TSHZ2: variants seen among roughly 807,000 people sequenced by gnomAD.
TSHZ2 encodes teashirt homolog 2.
TSHZ2 carries 21 observed loss-of-function variants against 74.4 expected under a neutral mutation model. That is an observed-to-expected ratio of 0.28 (90% CI 0.20 to 0.41). The LOEUF is 0.41. TSHZ2 is among the 10% of genes least tolerant of loss of function. The pLI is 1.00. For synonymous variants in TSHZ2, 540 were observed against 515.3 expected, an observed-to-expected ratio of 1.05 and a Z score of -0.65; for missense variants, 1,244 against 1,293.5, an observed-to-expected ratio of 0.96 and a Z score of 0.59.
At chr20:53,021,504 A>C (rs2024672) in intron 1 of TSHZ2, among the ~76,000 whole-genome samples, 1 of 152,044 alleles carries the variant, frequency 6.6e-6, no homozygotes, top group Non-Finnish European at 1.5e-5. Context: ...CCTCTACTTA[A>C]CAATGCCTGT....
At chr20:53,172,138 A>T (rs1354841055) in intron 1 of TSHZ2, among the ~76,000 whole-genome samples, 1 of 152,248 alleles carries the variant, frequency 6.6e-6, no homozygotes, top group Non-Finnish European at 1.5e-5. Context: ...TGAATTATAA[A>T]GCAATGTCTA....
intron 1 of TSHZ2, among the ~76,000 whole-genome samples, chr20:53,043,404 TA>T (rs1984117063): frequency 6.6e-6 from 1 of 152,156 alleles, no homozygotes; most frequent in Non-Finnish European, 1.5e-5. Flanking sequence ...GGAATACTGA[TA>T]AATATTATCA....
chr20:53,409,208 G>A (rs1982956296), intron 2 of TSHZ2, among the ~76,000 whole-genome samples: 1 of 151,658 alleles, frequency 6.6e-6, no homozygotes, highest in Non-Finnish European at 1.5e-5. Flanking sequence ...CCAACAAATG[G>A]CATTTATGTT....
At chr20:53,004,206 T>C (rs1294180867) in intron 1 of TSHZ2, among the ~76,000 whole-genome samples, 1 of 151,896 alleles carries the variant, frequency 6.6e-6, no homozygotes, top group Non-Finnish European at 1.5e-5. Flanking sequence ...TAAGGGTTTC[T>C]GGATGAAATA....
intron 1 of TSHZ2, among the ~76,000 whole-genome samples, chr20:52,997,250 A>G (rs1381273402): frequency 1.6e-5 from 2 of 122,498 alleles, no homozygotes; most frequent in African/African-American, 6.3e-5. Flanking sequence ...TCCTGTGCTC[A>G]TCTTGCCCCG....
At chr20:53,455,755 C>A (rs1985044860) in intron 2 of TSHZ2, among the ~76,000 whole-genome samples, 1 of 151,462 alleles carries the variant, frequency 6.6e-6, no homozygotes, top group South Asian at 2.1e-4. Flanking sequence ...GTTCCCCTTC[C>A]TGTGTCCATG....
chr20:53,241,271 C>A (rs1990062973), intron 1 of TSHZ2, among the ~76,000 whole-genome samples: 1 of 152,130 alleles, frequency 6.6e-6, no homozygotes, highest in African/African-American at 2.4e-5. Context: ...GAATTTTGGT[C>A]TTTTCCAAGT....
intron 1 of TSHZ2, among the ~76,000 whole-genome samples, chr20:53,184,615 C>T (rs1480323631): frequency 1.3e-5 from 2 of 152,212 alleles, no homozygotes; most frequent in Non-Finnish European, 2.9e-5. Flanking sequence ...TATTTAAACA[C>T]AAGACTGTAA....
At chr20:53,008,006 T>G (rs1982708521) in intron 1 of TSHZ2, among the ~76,000 whole-genome samples, 1 of 152,202 alleles carries the variant, frequency 6.6e-6, no homozygotes, top group Middle Eastern at 3.4e-3. Flanking sequence ...GAAGAAAGCA[T>G]TTTGTATCTC....
chr20:53,089,768 A>G (rs1288161620), intron 1 of TSHZ2, among the ~76,000 whole-genome samples: 1 of 152,210 alleles, frequency 6.6e-6, no homozygotes, highest in African/African-American at 2.4e-5. Context: ...GAAGAACAAG[A>G]AAAGAACCTT....
intron 1 of TSHZ2, among the ~76,000 whole-genome samples, chr20:53,189,258 T>C (rs1053977675): frequency 6.6e-6 from 1 of 152,094 alleles, no homozygotes; most frequent in Non-Finnish European, 1.5e-5. Context: ...AACCAGAATA[T>C]GCAAATAGCT....
intron 1 of TSHZ2, among the ~76,000 whole-genome samples, chr20:53,196,947 G>C (rs554973967): frequency 6.6e-6 from 1 of 152,332 alleles, no homozygotes; most frequent in African/African-American, 2.4e-5. Context: ...TTTCCCCTGG[G>C]ACTTTTCTTT....
chr20:53,436,298 T>C (rs1230671789), intron 2 of TSHZ2, among the ~76,000 whole-genome samples: 3 of 152,114 alleles, frequency 2.0e-5, no homozygotes, highest in Non-Finnish European at 4.4e-5. Context: ...TGAAAGGTAA[T>C]GTGCCTTCTT....
At chr20:53,391,500 C>T (rs1302544891) in intron 2 of TSHZ2, among the ~76,000 whole-genome samples, 1 of 149,744 alleles carries the variant, frequency 6.7e-6, no homozygotes, top group African/African-American at 2.4e-5. Context: ...TTTACAATCA[C>T]AGCTCACTGC....
At chr20:53,303,219 G>T (rs1978382731) in intron 2 of TSHZ2, among the ~76,000 whole-genome samples, 1 of 152,116 alleles carries the variant, frequency 6.6e-6, no homozygotes, top group Non-Finnish European at 1.5e-5. Context: ...CCAAGACAGG[G>T]ACCGATTTAC....
At chr20:53,108,398 A>C (rs1986440177) in intron 1 of TSHZ2, among the ~76,000 whole-genome samples, 1 of 152,242 alleles carries the variant, frequency 6.6e-6, no homozygotes, top group African/African-American at 2.4e-5. Flanking sequence ...TGTATTCCAC[A>C]TTCCACAACT....
intron 1 of TSHZ2, among the ~76,000 whole-genome samples, chr20:53,140,554 AAAAAAAAAAAG>A (rs1412104350): frequency 7.0e-6 from 1 of 142,310 alleles, no homozygotes; most frequent in Non-Finnish European, 1.6e-5. Context: ...AAAAAAAAAA[AAAAAAAAAAAG>A]AGGGACAGTC....
chr20:52,983,531 C>T (rs192452892), intron 1 of TSHZ2, among the ~76,000 whole-genome samples: 6 of 152,286 alleles, frequency 3.9e-5, no homozygotes, highest in Admixed American at 3.9e-4. Flanking sequence ...GCTTTGTATA[C>T]TAATTAATTA....
chr20:53,110,079 C>G (rs1014365455), intron 1 of TSHZ2, among the ~76,000 whole-genome samples: 7 of 152,176 alleles, frequency 4.6e-5, no homozygotes, highest in African/African-American at 1.7e-4. Flanking sequence ...CAGGGCGTTT[C>G]AGCATGCCAG....
Sources: allele counts gnomAD v4.1 joint callset (sites outside exome capture counted in the v4.1 genomes callset), GRCh38; gene constraint gnomAD v4.1.1; transcripts MANE v1.5; gene names NCBI Gene and HGNC (gene_info 2026-07-23, HGNC 2026-07-21).